The following RBFOX1 variants were observed in gnomAD, a reference collection of about 807,000 sequenced individuals.
RBFOX1 encodes RNA binding fox-1 homolog 1.
Under a neutral mutation model 57.7 loss-of-function variants are expected in RBFOX1, and 8 were observed. That is an observed-to-expected ratio of 0.14 (90% CI 0.08 to 0.25). The LOEUF (loss-of-function observed/expected upper bound fraction) is 0.25, where lower values mean the gene tolerates loss of function less well. RBFOX1 is among the 10% of genes least tolerant of loss of function. The pLI, the probability that RBFOX1 is intolerant of heterozygous loss-of-function variation, is 1.00. For missense variants in RBFOX1, 611 were observed against 548.5 expected (o/e 1.11, Z -1.14); for synonymous variants, 326 against 222.4 (o/e 1.47, Z -4.15).
At chr16:7,394,922 A>G (rs1157307259) in intron 4 of RBFOX1, among the ~76,000 whole-genome samples, 1 of 152,174 alleles carries the variant, frequency 6.6e-6, no homozygotes, top group Non-Finnish European at 1.5e-5. Context: ...GCATACATAA[A>G]TAAGGCTGTT....
At chr16:7,624,183 G>C (rs1219142649) in intron 10 of RBFOX1, among the ~76,000 whole-genome samples, 1 of 152,140 alleles carries the variant, frequency 6.6e-6, no homozygotes, top group Non-Finnish European at 1.5e-5. Flanking sequence ...CAAATGCAAA[G>C]TAAATATTCT....
At chr16:7,667,320 A>T (rs2069682358) in intron 13 of RBFOX1, among the ~76,000 whole-genome samples, 1 of 152,226 alleles carries the variant, frequency 6.6e-6, no homozygotes, top group Non-Finnish European at 1.5e-5. Flanking sequence ...GAGGTCTTTG[A>T]TGACCATAAG....
chr16:6,560,793 A>C (rs2097170180), intron 2 of RBFOX1, among the ~76,000 whole-genome samples: 1 of 152,218 alleles, frequency 6.6e-6, no homozygotes, highest in Non-Finnish European at 1.5e-5. Flanking sequence ...TGTAGGCCCT[A>C]AGAGGGCTGG....
At chr16:6,582,671 T>A (rs551466968) in intron 2 of RBFOX1, among the ~76,000 whole-genome samples, 1 of 151,986 alleles carries the variant, frequency 6.6e-6, no homozygotes, top group Non-Finnish European at 1.5e-5. Flanking sequence ...TCCTTTCTTT[T>A]TCCCTCCACC....
chr16:6,391,119 C>T (rs900632697), intron 2 of RBFOX1, among the ~76,000 whole-genome samples: 2 of 152,148 alleles, frequency 1.3e-5, no homozygotes, highest in African/African-American at 4.8e-5. Context: ...ACAAAATCTC[C>T]CTTGGTTGAA....
At chr16:7,174,343 T>A (rs989430242) in intron 4 of RBFOX1, among the ~76,000 whole-genome samples, 2 of 152,224 alleles carry the variant, frequency 1.3e-5, no homozygotes, top group Admixed American at 6.5e-5. Flanking sequence ...GTGGATTGTT[T>A]CCAGATTTTA....
chr16:7,148,291 A>T (rs532212675), intron 4 of RBFOX1, among the ~76,000 whole-genome samples: 1 of 152,322 alleles, frequency 6.6e-6, no homozygotes, highest in East Asian at 1.9e-4. Context: ...TTATTTACAA[A>T]GGAGTTTTCC....
intron 4 of RBFOX1, among the ~76,000 whole-genome samples, chr16:7,455,125 G>A (rs915449443): frequency 6.6e-6 from 1 of 152,190 alleles, no homozygotes; most frequent in Non-Finnish European, 1.5e-5. Flanking sequence ...TGAAGCCTCA[G>A]ATTGCATCTG....
intron 1 of RBFOX1, among the ~76,000 whole-genome samples, chr16:5,431,748 A>T (rs562914369): frequency 4.6e-5 from 7 of 152,112 alleles, no homozygotes; most frequent in Non-Finnish European, 1.0e-4. Flanking sequence ...GAAGATGGCA[A>T]GTTTGCTTTT....
At chr16:6,491,361 A>G (rs1350619429) in intron 2 of RBFOX1, among the ~76,000 whole-genome samples, 1 of 152,170 alleles carries the variant, frequency 6.6e-6, no homozygotes. Flanking sequence ...ATAACTAGTG[A>G]TAAACCTTGT....
intron 1 of RBFOX1, among the ~76,000 whole-genome samples, chr16:6,256,191 A>G (rs373302759): frequency 2.3e-4 from 4 of 17,504 alleles, no homozygotes; most frequent in African/African-American, 5.7e-4. Flanking sequence ...ATATACGTAT[A>G]TATATGTATA....
chr16:6,711,638 C>G (rs981925872), intron 3 of RBFOX1, among the ~76,000 whole-genome samples: 1 of 152,126 alleles, frequency 6.6e-6, no homozygotes, highest in Non-Finnish European at 1.5e-5. Flanking sequence ...GTAAGTTTCT[C>G]GAGGCTTCCC....
At chr16:6,968,429 C>G (rs1362131008) in intron 3 of RBFOX1, among the ~76,000 whole-genome samples, 1 of 152,146 alleles carries the variant, frequency 6.6e-6, no homozygotes, top group African/African-American at 2.4e-5. Context: ...TCTCACGCAG[C>G]TGAAATAAAA....
At chr16:6,568,167 CAA>C (rs928309949) in intron 2 of RBFOX1, among the ~76,000 whole-genome samples, 1 of 152,134 alleles carries the variant, frequency 6.6e-6, no homozygotes, top group African/African-American at 2.4e-5. Flanking sequence ...CTCAAAACAA[CAA>C]AAGTTTCTTT....
intron 3 of RBFOX1, among the ~76,000 whole-genome samples, chr16:6,821,805 C>G (rs1048002555): frequency 3.3e-5 from 5 of 152,076 alleles, no homozygotes; most frequent in South Asian, 2.1e-4. Flanking sequence ...CATTTTCTAG[C>G]TGTTGTGAAT....
At chr16:6,668,129 A>T (rs185622744) in intron 3 of RBFOX1, among the ~76,000 whole-genome samples, 1 of 152,252 alleles carries the variant, frequency 6.6e-6, no homozygotes, top group East Asian at 1.9e-4. Flanking sequence ...TCTCAATCTG[A>T]CTGAAAGAGT....
chr16:7,335,717 T>G (rs2096774520), intron 4 of RBFOX1, among the ~76,000 whole-genome samples: 1 of 151,960 alleles, frequency 6.6e-6, no homozygotes, highest in African/African-American at 2.4e-5. Context: ...GGAAAGTTAC[T>G]CATACAGGAT....
chr16:5,439,305 G>C (rs940277495), intron 1 of RBFOX1, among the ~76,000 whole-genome samples: 1 of 152,126 alleles, frequency 6.6e-6, no homozygotes, highest in Non-Finnish European at 1.5e-5. Flanking sequence ...AAAGCAAACA[G>C]ACTTTATTTT....
intron 1 of RBFOX1, among the ~76,000 whole-genome samples, chr16:6,126,445 G>A (rs2096590412): frequency 6.6e-6 from 1 of 152,112 alleles, no homozygotes; most frequent in Non-Finnish European, 1.5e-5. Flanking sequence ...ACAACTCTGT[G>A]AAGTAGATAC....
Sources: allele counts gnomAD v4.1 joint callset (sites outside exome capture counted in the v4.1 genomes callset), GRCh38; gene constraint gnomAD v4.1.1; transcripts MANE v1.5; gene names NCBI Gene and HGNC (gene_info 2026-07-23, HGNC 2026-07-21).